SDE2: variants seen among roughly 807,000 people sequenced by gnomAD.
SDE2 encodes the protein splicing regulator SDE2.
SDE2 carries 31 observed loss-of-function variants against 46.9 expected under a neutral mutation model. The ratio of observed to expected loss-of-function variants is 0.66; its 90% CI spans 0.50 to 0.89. SDE2 has a LOEUF of 0.89. Ranked by LOEUF, SDE2 falls within the 40% of genes least tolerant of loss-of-function variation. The pLI, the probability that SDE2 is intolerant of heterozygous loss-of-function variation, is 0.00. For missense variants in SDE2, 542 were observed against 564.4 expected, an observed-to-expected ratio of 0.96 and a Z score of 0.40; for synonymous variants, 205 against 204.3, an observed-to-expected ratio of 1.00 and a Z score of -0.03.
At position 225,983,927 on chromosome 1, in the gene SDE2, AAAG is replaced by A. The variant is rs1203622340; in HGVS notation, c.*1372_*1374del. On this transcript the variant is annotated 3_prime_UTR_variant, in exon 7 of 7. Coordinates refer to ENST00000272091, the MANE Select transcript of SDE2 (RefSeq NM_152608.4). ...ACCCACTTCTGATAATCCATGGGTC[AAAG>A]AAGAACTGAGGGAGGAAATTAGAAA... The A allele has an allele frequency of 6.6e-6, 1 of 152,230 alleles. No homozygotes were observed. The highest frequency in any genetic ancestry group is 1.5e-5 in the Non-Finnish European group (1 of 68,042). 9.4% of individuals were successfully genotyped at this position (152,230 alleles called of 1,614,324 possible).
At chr1:225,998,031 G>A (rs140346355) in intron 1 of SDE2, among the ~76,000 whole-genome samples, 2,087 of 152,180 alleles carry the variant, frequency 0.014, 43 homozygotes, top group African/African-American at 0.047. Context: ...GGAGGCTGAG[G>A]CAGGAGAACC....
intron 6 of SDE2, among the ~76,000 whole-genome samples, chr1:225,986,200 G>A (rs184526333): frequency 4.0e-5 from 6 of 151,858 alleles, no homozygotes; most frequent in African/African-American, 1.5e-4. Flanking sequence ...GTGGTGGTGC[G>A]TGCCTGTAGT....
intron 3 of SDE2, 85 bp downstream of exon 3, chr1:225,992,806 C>T: frequency 1.3e-6 from 1 of 755,826 alleles, no homozygotes; most frequent in Non-Finnish European, 2.3e-6. Context: ...TTTCCATTTC[C>T]AATATGCGTG....
rs1288030285 is a variant in SDE2 at position 225,987,738 on chromosome 1, T to C, written c.1134+158A>G. Among the ~76,000 whole-genome samples the C allele has an allele frequency of 4.6e-5, 7 of 152,316 alleles. No individual in the cohort carries two copies. The East Asian group carries it at 1.2e-3, about 25-fold the overall frequency. Reference sequence around the variant, plus strand: ...ATAAATGCCAGAACTTAAAAAGTTTTTGGGGAATAAGGCAAGCTTCACCAT... The same window carrying C: ...ATAAATGCCAGAACTTAAAAAGTTTCTGGGGAATAAGGCAAGCTTCACCAT... On this transcript the variant is annotated intron_variant, in intron 6 of 6. Transcript: ENST00000272091.
At position 225,994,076 on chromosome 1, in the gene SDE2, T is replaced by G. The variant is rs1176727367; in HGVS notation, c.239-1074A>C. On this transcript the variant is annotated intron_variant, in intron 2 of 6. Transcript: ENST00000272091. ...GAGCCACCATGCCTGGCCACATGCT[T>G]CATTCTTTTTTTTTTTTTTTGAGAG... Among the ~76,000 whole-genome samples the G allele has an allele frequency of 2.7e-5, 4 of 150,838 alleles. 1 individual carries two copies. Among genetic ancestry groups the G allele is most frequent in the Non-Finnish European group, 5.9e-5 (4 of 67,722 alleles).
chr1:225,987,067 G>A (rs1051500063), intron 6 of SDE2, among the ~76,000 whole-genome samples: 6 of 152,118 alleles, frequency 3.9e-5, no homozygotes, highest in African/African-American at 1.4e-4. Flanking sequence ...TTTTGAGATG[G>A]AGTCTCACTC....
At chr1:225,993,746 A>T (rs1656455962) in intron 2 of SDE2, among the ~76,000 whole-genome samples, 1 of 152,156 alleles carries the variant, frequency 6.6e-6, no homozygotes, top group Admixed American at 6.5e-5. Flanking sequence ...GGCTGATATA[A>T]CATGCTTCAT....
Position 225,987,938 on chromosome 1 carries a change from G to A in SDE2, c.1092C>T (p.Asn364=), listed in dbSNP as rs201203772. ...TTTCCTGCAGTTTGGCAACGGCAAC[G>A]TTTTCCCTTTCTTCAGGTGCTACCT... ...VAEVAPEERE[N]VAVAKLQESQ... The change falls in exon 6 of 7, where the codon AAC becomes AAT. Residue 364 remains asparagine, a synonymous_variant. Coordinates refer to ENST00000272091, the MANE Select transcript of SDE2 (RefSeq NM_152608.4). 377 of 1,613,062 alleles carry A rather than the reference G, an allele frequency of 2.3e-4. 1 individual carries two copies. The African/African-American group carries it at 4.3e-3, about 19-fold the overall frequency.
At chr1:225,992,249 G>C (rs1177271561) in intron 4 of SDE2, 149 bp downstream of exon 4, 1 of 559,224 alleles carries the variant, frequency 1.8e-6, no homozygotes, top group South Asian at 2.7e-5. Context: ...TCATTTTTGA[G>C]GATAAAAGTG....
At chr1:225,993,881 T>C (rs1041708803) in intron 2 of SDE2, among the ~76,000 whole-genome samples, 6 of 151,736 alleles carry the variant, frequency 4.0e-5, no homozygotes, top group African/African-American at 1.2e-4. Context: ...TGGATCCTCT[T>C]ACCACAGCCT....
intron 5 of SDE2, among the ~76,000 whole-genome samples, chr1:225,989,848 C>T (rs956519267): frequency 6.6e-6 from 1 of 151,792 alleles, no homozygotes; most frequent in South Asian, 2.1e-4. Flanking sequence ...GGCTGAGGCG[C>T]GAGGATCACC....
chr1:225,998,585 C>T (rs1167145955), intron 1 of SDE2, among the ~76,000 whole-genome samples: 2 of 152,158 alleles, frequency 1.3e-5, no homozygotes, highest in African/African-American at 4.8e-5. Flanking sequence ...TCTGGAAGTC[C>T]CTGGTAGGTT....
At chr1:225,994,096 T>A (rs1050464618) in intron 2 of SDE2, among the ~76,000 whole-genome samples, 2 of 150,994 alleles carry the variant, frequency 1.3e-5, no homozygotes, top group Non-Finnish European at 1.5e-5. Flanking sequence ...TTTTTTTTTT[T>A]GAGAGAGTCT....
At chr1:225,995,194 A>G (rs1656493955) in intron 2 of SDE2, 72 bp downstream of exon 2, 3 of 792,434 alleles carry the variant, frequency 3.8e-6, no homozygotes. Flanking sequence ...AAATGTCAGC[A>G]GCAGAATATG....
chr1:225,999,326 C>T lies in SDE2; in HGVS notation c.-14G>A. On this transcript the variant is annotated 5_prime_UTR_variant, in exon 1 of 7. Transcript: ENST00000272091. ...GGCCTCCGCCATGTCACCGACTACC[C>T]GAACCTCAAGCCTCTCTGAGACACC... 2 of 1,610,002 alleles carry T rather than the reference C, an allele frequency of 1.2e-6. No homozygotes were observed. The highest frequency in any genetic ancestry group is 1.7e-6 in the Non-Finnish European group (2 of 1,178,348).
At chr1:225,990,697 T>C (rs1656379656) in intron 5 of SDE2, among the ~76,000 whole-genome samples, 1 of 152,250 alleles carries the variant, frequency 6.6e-6, no homozygotes, top group Non-Finnish European at 1.5e-5. Flanking sequence ...TTAATAATTA[T>C]CTGTTTATCC....
intron 1 of SDE2, among the ~76,000 whole-genome samples, chr1:225,996,564 A>G (rs1207623426): frequency 6.6e-6 from 1 of 152,194 alleles, no homozygotes. Context: ...ACTGCTTTTA[A>G]CCATTTGTGC....
chr1:225,986,881 A>G (rs1656281005), intron 6 of SDE2, among the ~76,000 whole-genome samples: 1 of 152,216 alleles, frequency 6.6e-6, no homozygotes, highest in Non-Finnish European at 1.5e-5. Flanking sequence ...CTGGCTAAAC[A>G]AATGGTAGGT....
In SDE2 at chr1:225,999,188, C is replaced by G; in HGVS notation, c.120+5G>C. The G allele has an allele frequency of 6.2e-7, 1 of 1,609,394 alleles. No individual in the cohort carries two copies. Among genetic ancestry groups the G allele is most frequent in the Non-Finnish European group, 8.5e-7 (1 of 1,176,550 alleles). ...CTCCTTCCTAACAGGAACCGAAATC[C>G]TCACCTGATCTTGGCAGTGCCGGTG... On this transcript the variant is annotated splice_donor_5th_base_variant and intron_variant, in intron 1 of 6. Coordinates refer to ENST00000272091, the MANE Select transcript of SDE2 (RefSeq NM_152608.4).
Sources: allele counts gnomAD v4.1 joint callset (sites outside exome capture counted in the v4.1 genomes callset), GRCh38; gene constraint gnomAD v4.1.1; transcripts MANE v1.5; gene names NCBI Gene and HGNC (gene_info 2026-07-23, HGNC 2026-07-21).